Variants in PCDHA9 observed in about 807,000 individuals in gnomAD.
PCDHA9 encodes the protein protocadherin alpha 9.
Under a neutral mutation model 62.0 loss-of-function variants are expected in PCDHA9, and 62 were observed. The ratio of observed to expected loss-of-function variants is 1.00; its 90% CI spans 0.81 to 1.23. PCDHA9 has a LOEUF of 1.23. Among genes scored for constraint, PCDHA9 ranks in the 50% most tolerant of loss-of-function variants. The pLI, the probability that PCDHA9 is intolerant of heterozygous loss-of-function variation, is 0.00. For missense variants in PCDHA9, 1,205 were observed against 1,249.8 expected (o/e 0.96, Z 0.54); for synonymous variants, 557 against 567.6 (o/e 0.98, Z 0.27).
chr5:140,875,363 A>G, intron 1 of PCDHA9: 1 of 1,449,052 alleles, frequency 6.9e-7, no homozygotes, highest in Non-Finnish European at 9.1e-7. Flanking sequence ...GATGCTGGAA[A>G]AAATTTACTA....
rs73793540 is a variant in PCDHA9, at chr5:140,959,705, G to T, written c.2395-19244G>T. 8.9e-3 allele frequency among the ~76,000 whole-genome samples: 1,358 copies of T among 152,238 alleles called. 14 individuals are homozygous for T. The highest frequency in any genetic ancestry group is 0.032 in the African/African-American group (1,312 of 41,544). On this transcript the variant is annotated intron_variant, in intron 1 of 3. Coordinates refer to ENST00000532602, the MANE Select transcript of PCDHA9 (RefSeq NM_031857.2). ...AATTTCAATAAAATGAGCTTTGAAA[G>T]GGAAAATTTTTAGATAACATTATCT...
chr5:140,850,253 C>A lies in PCDHA9; in HGVS notation c.1758C>A (p.Gly586=). Reference sequence around the variant, plus strand: ...GCGAGATGGTGCTGCGGTCGGTGGGCGCCGGCGTAGTGGTGGGGAAGGTGC... The same window carrying A: ...GCGAGATGGTGCTGCGGTCGGTGGGAGCCGGCGTAGTGGTGGGGAAGGTGC... ...AVSEMVLRSV[G]AGVVVGKVRA... The change falls in exon 1 of 4, where the codon GGC becomes GGA. Residue 586 remains glycine, a synonymous_variant. Coordinates refer to ENST00000532602, the MANE Select transcript of PCDHA9 (RefSeq NM_031857.2). 6.3e-7 allele frequency: 1 copy of A among 1,593,758 alleles called. No homozygotes were observed. Among genetic ancestry groups the A allele is most frequent in the South Asian group, 1.1e-5 (1 of 90,408 alleles).
At chr5:141,001,726 T>G (rs2098034769) in intron 3 of PCDHA9, among the ~76,000 whole-genome samples, 1 of 152,116 alleles carries the variant, frequency 6.6e-6, no homozygotes, top group Admixed American at 6.6e-5. Flanking sequence ...GCTTGAGATA[T>G]TTTACAACCT....
chr5:140,875,248 G>A, intron 1 of PCDHA9: 5 of 999,174 alleles, frequency 5.0e-6, no homozygotes, highest in Non-Finnish European at 6.9e-6. Flanking sequence ...TACATAATCA[G>A]TCACATGATG....
chr5:140,994,911 A>C (rs527704488), intron 3 of PCDHA9, among the ~76,000 whole-genome samples: 4 of 152,222 alleles, frequency 2.6e-5, no homozygotes, highest in African/African-American at 9.6e-5. Flanking sequence ...TGTAGACTGG[A>C]ATCAGATTTT....
chr5:140,872,582 G>A (rs535860760), intron 1 of PCDHA9, among the ~76,000 whole-genome samples: 8 of 152,084 alleles, frequency 5.3e-5, no homozygotes, highest in Non-Finnish European at 1.2e-4. Flanking sequence ...ACCTATCATC[G>A]TGAGACCCCC....
At chr5:140,915,273 A>C (rs2077054431) in intron 1 of PCDHA9, among the ~76,000 whole-genome samples, 1 of 152,090 alleles carries the variant, frequency 6.6e-6, no homozygotes, top group South Asian at 2.1e-4. Flanking sequence ...TGACCAGTTC[A>C]TCATTTACTC....
At chr5:140,940,349 C>T (rs1437069133) in intron 1 of PCDHA9, among the ~76,000 whole-genome samples, 14 of 152,156 alleles carry the variant, frequency 9.2e-5, no homozygotes, top group African/African-American at 2.9e-4. Flanking sequence ...GTGTGTCCAA[C>T]ATGCTATTAA....
At chr5:140,984,826 T>C (rs1554246543) in intron 3 of PCDHA9, among the ~76,000 whole-genome samples, 4 of 152,188 alleles carry the variant, frequency 2.6e-5, no homozygotes, top group African/African-American at 9.6e-5. Context: ...TTAATTACCC[T>C]TTCTGTAAAT....
chr5:141,009,330 G>A (rs1355837607), intron 3 of PCDHA9, among the ~76,000 whole-genome samples: 2 of 152,192 alleles, frequency 1.3e-5, no homozygotes, highest in African/African-American at 2.4e-5. Context: ...ATGGGAGCTT[G>A]TGCCTGTAGT....
In PCDHA9 at chr5:140,975,255, C is replaced by A. The variant is rs530385456; in HGVS notation, c.2395-3694C>A. On this transcript the variant is annotated intron_variant, in intron 1 of 3. Transcript: ENST00000532602. ...ATGGAATCCCTCTTATGCTTCAGAT[C>A]TCTCTGATTTCTGTCTCTGACCTCT... Among the ~76,000 whole-genome samples, 6 of 152,334 alleles carry A rather than the reference C, an allele frequency of 3.9e-5. No individual in the cohort carries two copies. In the South Asian group the frequency reaches 1.2e-3, roughly 32 times the overall value.
intron 1 of PCDHA9, chr5:140,871,194 G>C (rs1391937650): frequency 3.1e-6 from 5 of 1,613,574 alleles, no homozygotes; most frequent in African/African-American, 1.3e-5. Flanking sequence ...ATGTCAACGT[G>C]TACCTGATCA....
At position 140,853,954 on chromosome 5, in the gene PCDHA9, C is replaced by G. The variant is rs889937140; in HGVS notation, c.2394+3065C>G. The G allele has an allele frequency of 6.5e-5, 49 of 756,134 alleles. 3 individuals are homozygous for G. In the Middle Eastern group the frequency reaches 2.0e-3, roughly 31 times the overall value. The allele number at this position is 756,134 out of a possible 1,614,324, so 46.8% of individuals were successfully genotyped here. On this transcript the variant is annotated intron_variant, in intron 1 of 3. Coordinates refer to ENST00000532602, the MANE Select transcript of PCDHA9 (RefSeq NM_031857.2). The stretch of plus-strand genomic sequence containing the variant: ...GAGGCCAAGGTGGGAGGGTCCCTTC[C>G]TTGAGCCCAGCAGTTTGAGACCAAT...
At chr5:140,966,655 G>C in intron 1 of PCDHA9, 1 of 1,195,250 alleles carries the variant, frequency 8.4e-7, no homozygotes, top group South Asian at 2.0e-5. Context: ...CGTGAGCGGT[G>C]GGGGAGCAGG....
At chr5:140,900,192 A>G (rs1280412667) in intron 1 of PCDHA9, among the ~76,000 whole-genome samples, 2 of 152,186 alleles carry the variant, frequency 1.3e-5, no homozygotes, top group African/African-American at 2.4e-5. Flanking sequence ...ACTTATAATG[A>G]CATCCAGTTT....
At chr5:140,925,641 T>TATAATA (rs10569930) in intron 1 of PCDHA9, among the ~76,000 whole-genome samples, 37,208 of 143,074 alleles carry the variant, frequency 0.26, 4,933 homozygotes, top group Middle Eastern at 0.29. Context: ...GAACTTAAAG[T>TATAATA]ATAATAATAA....
chr5:140,848,946 C>G lies in PCDHA9; in HGVS notation c.451C>G (p.Arg151Gly), dbSNP rs2150425951. 2 of 1,607,130 alleles carry G rather than the reference C, an allele frequency of 1.2e-6. No homozygotes were observed. The highest frequency in any genetic ancestry group is 2.7e-5 in the African/African-American group (2 of 73,530). Residue 151 changes from arginine (R) to glycine (G), a missense_variant, in exon 1 of 4, where the codon CGG becomes GGG. Arg to Gly is a moderately radical substitution (Grantham distance 125). This residue lies in a region of PCDHA9 where 208 missense variants were observed against 213.2 expected (regional missense o/e 0.98). Coordinates refer to ENST00000532602, the MANE Select transcript of PCDHA9 (RefSeq NM_031857.2). ...FIAESRPLDSRFPLEGASDAD... is the reference protein window; with the variant it reads ...FIAESRPLDSGFPLEGASDAD... ...CGCGGAATCCAGGCCGCTTGACTCT[C>G]GGTTTCCACTAGAGGGCGCGTCCGA... is the stretch of plus-strand genomic sequence containing the variant.
chr5:140,869,287 C>T, intron 1 of PCDHA9: 1 of 1,613,538 alleles, frequency 6.2e-7, no homozygotes, highest in Non-Finnish European at 8.5e-7. Context: ...GCTGGTGCAG[C>T]GCCTGTTCCG....
intron 1 of PCDHA9, chr5:140,861,198 G>A: frequency 6.1e-6 from 1 of 162,948 alleles, no homozygotes; most frequent in Non-Finnish European, 1.3e-5. Context: ...ATGAAATATT[G>A]TTTTACTAAC....
Sources: gnomAD v4.1 joint callset for allele counts (sites outside exome capture counted in the v4.1 genomes callset) on GRCh38, gnomAD v4.1.1 for gene constraint, gnomAD v4.1.1 regional missense constraint, MANE v1.5 for transcripts, NCBI Gene and HGNC (gene_info 2026-07-23, HGNC 2026-07-21) for gene names.